The following PAMR1 variants were observed in gnomAD, a reference collection of about 807,000 sequenced individuals.
PAMR1 encodes inactive serine protease PAMR1.
PAMR1 carries 88 observed loss-of-function variants against 81.8 expected under a neutral mutation model. The ratio of observed to expected loss-of-function variants is 1.08; its 90% confidence interval spans 0.91 to 1.28. The LOEUF (loss-of-function observed/expected upper bound fraction) is 1.28. Among genes scored for constraint, PAMR1 ranks in the 50% most tolerant of loss-of-function variants. The probability of loss-of-function intolerance (pLI) is 0.00; values close to 1 mark genes in which losing one functional copy is unlikely to be tolerated. For synonymous variants in PAMR1, 336 were observed against 345.3 expected (o/e 0.97, Z 0.30); for missense variants, 935 against 919.7 (o/e 1.02, Z -0.21).
chr11:35,466,404 G>T (rs1001500674), intron 6 of PAMR1, among the ~76,000 whole-genome samples: 86 of 152,232 alleles, frequency 5.6e-4, no homozygotes, highest in African/African-American at 2.0e-3. Context: ...TGAAACCATG[G>T]TTTCCATCTG....
At chr11:35,500,633 A>G (rs1001525674) in intron 1 of PAMR1, among the ~76,000 whole-genome samples, 6 of 152,214 alleles carry the variant, frequency 3.9e-5, no homozygotes, top group African/African-American at 1.4e-4. Flanking sequence ...AAATTACAGA[A>G]AGAAATCCAT....
intron 4 of PAMR1, among the ~76,000 whole-genome samples, 193 bp downstream of exon 4, chr11:35,474,437 G>A (rs754585192): frequency 1.1e-4 from 17 of 152,134 alleles, no homozygotes; most frequent in South Asian, 2.1e-4. Context: ...TGAGCCCCAC[G>A]GTTCTAAAGT....
chr11:35,438,594 T>C (rs1856100132), intron 8 of PAMR1, among the ~76,000 whole-genome samples: 2 of 152,204 alleles, frequency 1.3e-5, no homozygotes, highest in Non-Finnish European at 2.9e-5. Flanking sequence ...ACTTACTGAG[T>C]GCCTACTATG....
At chr11:35,497,509 A>G (rs922123054) in intron 1 of PAMR1, among the ~76,000 whole-genome samples, 1 of 152,228 alleles carries the variant, frequency 6.6e-6, no homozygotes, top group African/African-American at 2.4e-5. Flanking sequence ...GCACAATCAC[A>G]GGAATCTAAT....
chr11:35,470,940 C>A (rs753598381), intron 4 of PAMR1, 122 bp from the exon 5 acceptor site: 1 of 688,992 alleles, frequency 1.5e-6, no homozygotes, highest in African/African-American at 1.8e-5. Flanking sequence ...CTGGCCTGAT[C>A]GGATAGGAAA....
intron 1 of PAMR1, among the ~76,000 whole-genome samples, chr11:35,521,140 C>T (rs1295058341): frequency 6.6e-6 from 1 of 152,312 alleles, no homozygotes; most frequent in Non-Finnish European, 1.5e-5. Context: ...CCACTGAAAG[C>T]TTATGCTCAA....
Position 35,503,863 on chromosome 11 carries a change from T to C in PAMR1, c.74-9591A>G, listed in dbSNP as rs551912757. Among the ~76,000 whole-genome samples the C allele has an allele frequency of 4.3e-4, 66 of 152,300 alleles. 1 individual carries two copies. In the South Asian group the frequency reaches 0.012, roughly 29 times the overall value. On this transcript the variant is annotated intron_variant, in intron 1 of 10. Transcript: ENST00000619888. The stretch of plus-strand genomic sequence containing the variant: ...TCCACATTGGATGTCCTTGATTTCT[T>C]TCTCTTGTCTAATTGCTCTGGCCAA...
chr11:35,515,257 C>T (rs545311277), intron 1 of PAMR1, among the ~76,000 whole-genome samples: 1 of 152,124 alleles, frequency 6.6e-6, no homozygotes, highest in Admixed American at 6.6e-5. Context: ...ACCTCTTTGC[C>T]AAAAGCTTCC....
intron 1 of PAMR1, among the ~76,000 whole-genome samples, chr11:35,501,961 C>A (rs532557770): frequency 6.6e-6 from 1 of 152,252 alleles, no homozygotes; most frequent in South Asian, 2.1e-4. Context: ...ATTGCTGGAT[C>A]ACATGGTAGT....
At chr11:35,523,181 C>T (rs1851314932) in intron 1 of PAMR1, among the ~76,000 whole-genome samples, 2 of 152,176 alleles carry the variant, frequency 1.3e-5, no homozygotes, top group African/African-American at 4.8e-5. Flanking sequence ...AATCTCACAT[C>T]TCATTTTTCT....
At chr11:35,524,655 A>C (rs1851351727) in intron 1 of PAMR1, among the ~76,000 whole-genome samples, 1 of 151,994 alleles carries the variant, frequency 6.6e-6, no homozygotes, top group African/African-American at 2.4e-5. Context: ...CCCTCATCTC[A>C]TGAGGTCTCA....
intron 3 of PAMR1, among the ~76,000 whole-genome samples, chr11:35,485,945 G>A (rs1215660407): frequency 6.6e-6 from 1 of 152,232 alleles, no homozygotes; most frequent in Non-Finnish European, 1.5e-5. Context: ...GCCATATGTA[G>A]GCGACCCTTA....
chr11:35,453,584 G>T (rs917498051), intron 6 of PAMR1, among the ~76,000 whole-genome samples: 2 of 152,174 alleles, frequency 1.3e-5, no homozygotes, highest in African/African-American at 4.8e-5. Flanking sequence ...ACATCTACCT[G>T]GTGGGTACAT....
upstream of PAMR1, chr11:35,530,129 C>A (rs1438141508): frequency 1.3e-5 from 2 of 152,268 alleles, no homozygotes; most frequent in Non-Finnish European, 2.9e-5. Context: ...CTATAAGAGG[C>A]ATCCCAGACT....
chr11:35,511,663 C>T (rs1450368202), intron 1 of PAMR1, among the ~76,000 whole-genome samples: 2 of 152,074 alleles, frequency 1.3e-5, no homozygotes, highest in African/African-American at 2.4e-5. Context: ...CTTTCTGAGA[C>T]CAGAGGGAGA....
intron 6 of PAMR1, among the ~76,000 whole-genome samples, chr11:35,444,551 T>C (rs1319616706): frequency 6.6e-6 from 1 of 152,244 alleles, no homozygotes; most frequent in African/African-American, 2.4e-5. Flanking sequence ...AGGTTCAATT[T>C]TCTGCATATG....
Position 35,436,016 on chromosome 11 carries a change from T to C in PAMR1, c.1220A>G (p.His407Arg). 1 of 1,614,134 alleles carries C rather than the reference T, an allele frequency of 6.2e-7. No individual in the cohort carries two copies. Among genetic ancestry groups the C allele is most frequent in the East Asian group, 2.2e-5 (1 of 44,866 alleles). Residue 407 changes from histidine (H) to arginine (R), a missense_variant, in exon 9 of 11, where the codon CAT (histidine) becomes CGT (arginine). Coordinates refer to ENST00000619888, the MANE Select transcript of PAMR1 (RefSeq NM_001001991.3). Reference sequence around the variant, plus strand: ...GATGCACTCATACTGGAGCTGGGTATGCAGATGTTGGTATCCCATGGGCAG... The same window carrying C: ...GATGCACTCATACTGGAGCTGGGTACGCAGATGTTGGTATCCCATGGGCAG... ...GDLPMGYQHL[H>R]TQLQYECISP...
chr11:35,519,640 T>C (rs1281171415), intron 1 of PAMR1, among the ~76,000 whole-genome samples: 2 of 152,164 alleles, frequency 1.3e-5, no homozygotes, highest in Non-Finnish European at 2.9e-5. Context: ...TGGCTCCTCT[T>C]GGGTTCCATG....
intron 1 of PAMR1, among the ~76,000 whole-genome samples, chr11:35,502,996 C>T (rs1395414535): frequency 6.6e-6 from 1 of 152,038 alleles, no homozygotes; most frequent in Non-Finnish European, 1.5e-5. Context: ...GTTTTTAATT[C>T]ATTTTGATTT....
Sources: gnomAD v4.1 joint callset for allele counts (sites outside exome capture counted in the v4.1 genomes callset) on GRCh38, gnomAD v4.1.1 for gene constraint, MANE v1.5 for transcripts, NCBI Gene and HGNC (gene_info 2026-07-23, HGNC 2026-07-21) for gene names.